The following MCM6 variants were observed in gnomAD, a reference collection of about 807,000 sequenced individuals.
MCM6 encodes the protein minichromosome maintenance complex component 6, also known as DNA replication licensing factor MCM6.
In MCM6, 46 loss-of-function variants were observed where a neutral mutation model predicts 94.3. That is an observed-to-expected ratio of 0.49 (90% CI 0.39 to 0.62). The LOEUF (loss-of-function observed/expected upper bound fraction) is 0.62, where lower values mean the gene tolerates loss of function less well. Among genes scored for constraint, MCM6 ranks in the 20% least tolerant of loss-of-function variants. The pLI is 0.00. For missense variants in MCM6, 865 were observed against 1,017.9 expected (o/e 0.85, Z 2.04); for synonymous variants, 335 against 351.9 (o/e 0.95, Z 0.54).
chr2:135,850,074 T>C (rs768473244), intron 13 of MCM6, among the ~76,000 whole-genome samples: 5 of 152,192 alleles, frequency 3.3e-5, no homozygotes, highest in African/African-American at 1.2e-4. Context: ...ACCAGTTTTA[T>C]GCAACTCATT....
At chr2:135,845,449 T>C (rs1206894163) in intron 15 of MCM6, among the ~76,000 whole-genome samples, 1 of 152,220 alleles carries the variant, frequency 6.6e-6, no homozygotes, top group Non-Finnish European at 1.5e-5. Context: ...GGACAAAAGC[T>C]GAGGCGTCCT....
Position 135,846,380 on chromosome 2 carries a change from C to G in MCM6, c.2066G>C (p.Ser689Thr). ...ATTGATCCCGTTCACAGGAGCAGGG[C>G]TGTCAGCATGACCTAAGTGAAAAAT... ...GAGGINGHAD[S>T]PAPVNGINGY... is the part of the protein sequence containing the mutation. The change falls in exon 15 of 17, where the codon AGC becomes ACC. Residue 689 changes from serine (S) to threonine (T), a missense_variant. By Grantham distance (58) the Ser-to-Thr change is moderately conservative. Transcript: ENST00000264156. 1.9e-6 allele frequency: 3 copies of G among 1,614,160 alleles called. No homozygotes were observed. Among genetic ancestry groups the G allele is most frequent in the Non-Finnish European group, 2.5e-6 (3 of 1,179,982 alleles).
intron 16 of MCM6, among the ~76,000 whole-genome samples, chr2:135,842,783 A>C (rs1437365852): frequency 6.6e-6 from 1 of 152,172 alleles, no homozygotes; most frequent in African/African-American, 2.4e-5. Context: ...CTAGGGATCA[A>C]GGCCAGTGTC....
chr2:135,857,790 G>GC, intron 10 of MCM6, 107 bp downstream of exon 10: 1 of 840,280 alleles, frequency 1.2e-6, no homozygotes, highest in Non-Finnish European at 2.0e-6. Context: ...TTAATGAACA[G>GC]CATTACACAC....
intron 13 of MCM6, among the ~76,000 whole-genome samples, chr2:135,850,232 T>A (rs561020401): frequency 6.6e-6 from 1 of 152,312 alleles, no homozygotes; most frequent in East Asian, 1.9e-4. Context: ...CTCCTCCTTC[T>A]TTGGTAATAA....
Position 135,840,725 on chromosome 2 carries a change from G to T in MCM6, c.*110C>A. 1 of 708,478 alleles carries T rather than the reference G, an allele frequency of 1.4e-6. No individual in the cohort carries two copies. The highest frequency in any genetic ancestry group is 2.5e-6 in the Non-Finnish European group (1 of 404,090). 43.9% of individuals were successfully genotyped at this position (708,478 alleles called of 1,614,324 possible). On this transcript the variant is annotated 3_prime_UTR_variant, in exon 17 of 17. Coordinates refer to ENST00000264156, the MANE Select transcript of MCM6 (RefSeq NM_005915.6). ...TTCTTGTTTCTGAAAACAAATCCTG[G>T]AAGCATCACTTCCAGAAACACTTCT...
intron 13 of MCM6, among the ~76,000 whole-genome samples, chr2:135,848,425 G>A (rs544525405): frequency 1.3e-5 from 2 of 152,304 alleles, no homozygotes; most frequent in East Asian, 3.9e-4. Flanking sequence ...GTGTTGTCAA[G>A]AAGGTAGAAC....
chr2:135,843,737 A>AAAAAAAACC (rs1213246851), intron 16 of MCM6, among the ~76,000 whole-genome samples: 1 of 150,582 alleles, frequency 6.6e-6, no homozygotes, highest in African/African-American at 2.5e-5. Context: ...TCTCAAAAAA[A>AAAAAAAACC]AAAAAAAAAA....
At chr2:135,875,987 G>A (rs1241964908) in intron 1 of MCM6, among the ~76,000 whole-genome samples, 2 of 152,234 alleles carry the variant, frequency 1.3e-5, no homozygotes, top group African/African-American at 2.4e-5. Context: ...AGGCTCGCGG[G>A]GTGGTGAGCA....
intron 15 of MCM6, among the ~76,000 whole-genome samples, chr2:135,845,784 T>C (rs1679659875): frequency 6.6e-6 from 1 of 152,216 alleles, no homozygotes; most frequent in South Asian, 2.1e-4. Context: ...CGCCACACTT[T>C]ACCAATAACT....
chr2:135,869,536 A>G (rs974791040), intron 3 of MCM6, among the ~76,000 whole-genome samples: 1 of 152,034 alleles, frequency 6.6e-6, no homozygotes, highest in Non-Finnish European at 1.5e-5. Flanking sequence ...TTTTGTACTC[A>G]AAGTTCAGAA....
chr2:135,875,941 G>A (rs1453491634), intron 1 of MCM6, among the ~76,000 whole-genome samples: 1 of 152,364 alleles, frequency 6.6e-6, no homozygotes, highest in East Asian at 1.9e-4. Flanking sequence ...GCGAGCCCAG[G>A]TTTCCGCGCC....
Position 135,855,494 on chromosome 2 carries a change from G to A in MCM6, c.1626+1234C>T, listed in dbSNP as rs984765719. Among the ~76,000 whole-genome samples the A allele has an allele frequency of 1.1e-4, 16 of 152,124 alleles. No homozygotes were observed. The South Asian group carries it at 1.2e-3, about 12-fold the overall frequency. On this transcript the variant is annotated intron_variant, in intron 11 of 16. Coordinates refer to ENST00000264156, the MANE Select transcript of MCM6 (RefSeq NM_005915.6). ...CAACACGGGTCTTGAACTTGTTGCCGTTGCTACAAAAGGATGAAAAAATTA... is the reference window on the plus strand; with the variant it reads ...CAACACGGGTCTTGAACTTGTTGCCATTGCTACAAAAGGATGAAAAAATTA...
intron 8 of MCM6, among the ~76,000 whole-genome samples, chr2:135,861,015 A>T (rs1679981332): frequency 6.6e-6 from 1 of 152,232 alleles, no homozygotes; most frequent in Non-Finnish European, 1.5e-5. Context: ...CAGAGGCAAC[A>T]TTGTAGTACA....
chr2:135,869,241 A>C (rs1289333281), intron 3 of MCM6, among the ~76,000 whole-genome samples: 1 of 152,112 alleles, frequency 6.6e-6, no homozygotes, highest in Non-Finnish European at 1.5e-5. Context: ...CCTCTACTAA[A>C]AATACAAAAA....
chr2:135,846,245 A>C lies in MCM6; in HGVS notation c.2201T>G (p.Val734Gly), dbSNP rs746388072. 8.7e-6 allele frequency: 14 copies of C among 1,613,876 alleles called. No homozygotes were observed. In the Admixed American group the frequency reaches 2.2e-4, roughly 25 times the overall value. ...TACCAGGTAAGCCTCACCTTCTTCC[A>C]CCTTTCTGAGGTGAAGCACAATAAG... Reference protein sequence around the residue: ...SNLIVLHLRKVEEEEDESALK... With the variant: ...SNLIVLHLRKGEEEEDESALK... Residue 734 changes from valine (V) to glycine (G), a missense_variant, in exon 15 of 17, where the codon GTG (valine) becomes GGG (glycine). Val to Gly is a moderately radical substitution (Grantham distance 109). Transcript: ENST00000264156.
chr2:135,875,739 C>T (rs1680283475), intron 1 of MCM6, among the ~76,000 whole-genome samples: 1 of 152,204 alleles, frequency 6.6e-6, no homozygotes, highest in Non-Finnish European at 1.5e-5. Context: ...AGGGCTCCGC[C>T]CCCCAGCAGC....
At chr2:135,855,337 T>C (rs1287339706) in intron 11 of MCM6, among the ~76,000 whole-genome samples, 2 of 152,144 alleles carry the variant, frequency 1.3e-5, no homozygotes, top group African/African-American at 4.8e-5. Context: ...AATATGTCTC[T>C]CTTGTGAAGG....
At position 135,845,209 on chromosome 2, in the gene MCM6, G is replaced by A. The variant is rs138167357; in HGVS notation, c.2210-525C>T. Among the ~76,000 whole-genome samples, 13 of 152,296 alleles carry A rather than the reference G, an allele frequency of 8.5e-5. No individual in the cohort carries two copies. The East Asian group carries it at 2.5e-3, about 29-fold the overall frequency. On this transcript the variant is annotated intron_variant, in intron 15 of 16. Coordinates refer to ENST00000264156, the MANE Select transcript of MCM6 (RefSeq NM_005915.6). The stretch of plus-strand genomic sequence containing the variant: ...TTTAGCAAGGTTCATCTTACTAAGT[G>A]AACTGCCTGCTGCTTTTAACAAGTC...
Sources: allele counts gnomAD v4.1 joint callset (sites outside exome capture counted in the v4.1 genomes callset), GRCh38; gene constraint gnomAD v4.1.1; transcripts MANE v1.5; gene names NCBI Gene and HGNC (gene_info 2026-07-23, HGNC 2026-07-21).